The following EIF2AK4 variants were observed in gnomAD, a reference collection of about 807,000 sequenced individuals.
EIF2AK4 encodes eIF-2-alpha kinase GCN2.
In EIF2AK4, 139 loss-of-function variants were observed where a neutral mutation model predicts 211.1. The ratio of observed to expected loss-of-function variants is 0.66; its 90% confidence interval spans 0.57 to 0.76. The LOEUF is 0.76. EIF2AK4 is among the 30% of genes least tolerant of loss of function. The probability of loss-of-function intolerance (pLI) is 0.00; values close to 1 mark genes in which losing one functional copy is unlikely to be tolerated. For missense variants in EIF2AK4, 1,664 were observed against 2,043.8 expected, an observed-to-expected ratio of 0.81 and a Z score of 3.58; for synonymous variants, 710 against 751.3, an observed-to-expected ratio of 0.94 and a Z score of 0.90.
chr15:39,944,926 A>G (rs2034206640), intron 3 of EIF2AK4, among the ~76,000 whole-genome samples: 1 of 152,200 alleles, frequency 6.6e-6, no homozygotes, highest in Non-Finnish European at 1.5e-5. Flanking sequence ...AATTGTGTCC[A>G]TTTAAGTTGC....
At chr15:39,961,232 G>C (rs1427485357) in intron 6 of EIF2AK4, among the ~76,000 whole-genome samples, 1 of 152,222 alleles carries the variant, frequency 6.6e-6, no homozygotes, top group Non-Finnish European at 1.5e-5. Context: ...TCAATGGCTG[G>C]AGGCCCAGTT....
At chr15:40,032,698 A>G (rs1037094476) in intron 36 of EIF2AK4, 59 bp from the exon 37 acceptor site, 8 of 1,508,412 alleles carry the variant, frequency 5.3e-6, no homozygotes, top group Admixed American at 1.7e-5. Context: ...ACGTGACACT[A>G]TGGTCACAAG....
chr15:39,934,377 C>A, intron 1 of EIF2AK4, 38 bp downstream of exon 1: 1 of 1,574,696 alleles, frequency 6.4e-7, no homozygotes, highest in East Asian at 2.4e-5. Context: ...CTGGCGTGCC[C>A]TGGCCTCCCC....
At chr15:39,996,921 T>C in intron 18 of EIF2AK4, 43 bp from the exon 19 acceptor site, 3 of 1,368,672 alleles carry the variant, frequency 2.2e-6, no homozygotes, top group Non-Finnish European at 3.1e-6. Flanking sequence ...AAATTATACT[T>C]TCATATCAAG....
At chr15:39,961,124 G>A (rs1010276140) in intron 6 of EIF2AK4, among the ~76,000 whole-genome samples, 1 of 152,126 alleles carries the variant, frequency 6.6e-6, no homozygotes. Context: ...TAGAAAAAAA[G>A]AAAGAGAGGA....
At chr15:39,976,283 A>G in intron 11 of EIF2AK4, 131 bp from the exon 12 acceptor site, 1 of 921,772 alleles carries the variant, frequency 1.1e-6, no homozygotes, top group Non-Finnish European at 1.5e-6. Context: ...AATTTCAGGC[A>G]TGTGGTTCTT....
In EIF2AK4 at chr15:40,016,684, G is replaced by A; in HGVS notation, c.3930+12G>A. 1.9e-6 allele frequency: 3 copies of A among 1,613,522 alleles called. No individual in the cohort carries two copies. Among genetic ancestry groups the A allele is most frequent in the Non-Finnish European group, 2.5e-6 (3 of 1,179,744 alleles). On this transcript the variant is annotated intron_variant, in intron 28 of 38. Coordinates refer to ENST00000263791, the MANE Select transcript of EIF2AK4 (RefSeq NM_001013703.4). ...GCATCAAGTTACAGGTTTGGCAACA[G>A]TTTGATACTGGCAGTACAAATGTGT...
rs558057788 is a variant in EIF2AK4 at position 40,001,176 on chromosome 15, G to A, written c.3111G>A (p.Gln1037=). 2 of 1,613,994 alleles carry A rather than the reference G, an allele frequency of 1.2e-6. No individual in the cohort carries two copies. Among genetic ancestry groups the A allele is most frequent in the Admixed American group, 1.7e-5 (1 of 60,012 alleles). ...CCATGATGGCCCAGATCTTCTCGCA[G>A]CGCATCTCCCCTGCCATCGATTACA... is the stretch of plus-strand genomic sequence containing the variant. ...YRTMMAQIFS[Q]RISPAIDYTY... The change falls in exon 21 of 39, where the codon CAG becomes CAA. Residue 1037 remains glutamine (Q), a synonymous_variant. Transcript: ENST00000263791.
At chr15:39,968,013 C>A in intron 9 of EIF2AK4, 134 bp downstream of exon 9, 1 of 843,168 alleles carries the variant, frequency 1.2e-6, no homozygotes, top group Non-Finnish European at 1.8e-6. Flanking sequence ...TCTCCCAATC[C>A]TGTCCTAGTC....
chr15:39,962,013 A>G (rs2034479901), intron 7 of EIF2AK4, 114 bp downstream of exon 7: 2 of 708,282 alleles, frequency 2.8e-6, no homozygotes, highest in Non-Finnish European at 2.3e-6. Flanking sequence ...AAGGAAGACC[A>G]TCAAGCTGGT....
intron 23 of EIF2AK4, among the ~76,000 whole-genome samples, chr15:40,004,550 A>C (rs2035134423): frequency 6.6e-6 from 1 of 152,112 alleles, no homozygotes; most frequent in Non-Finnish European, 1.5e-5. Context: ...CTTTACAAAA[A>C]ATTTAAAAAT....
At chr15:40,005,610 C>A (rs1269329982) in intron 23 of EIF2AK4, among the ~76,000 whole-genome samples, 1 of 151,126 alleles carries the variant, frequency 6.6e-6, no homozygotes, top group East Asian at 2.0e-4. Flanking sequence ...CTCACTCTGT[C>A]TCTCAGGCTG....
chr15:39,954,259 G>T (rs1330300270), intron 5 of EIF2AK4, among the ~76,000 whole-genome samples: 1 of 152,100 alleles, frequency 6.6e-6, no homozygotes, highest in Non-Finnish European at 1.5e-5. Context: ...GACTAAAATT[G>T]TTCTTTTTTT....
intron 23 of EIF2AK4, among the ~76,000 whole-genome samples, chr15:40,004,414 G>A (rs993677937): frequency 1.3e-5 from 2 of 152,200 alleles, no homozygotes; most frequent in African/African-American, 2.4e-5. Context: ...ATATTAAGGA[G>A]CTATTGAAAA....
intron 21 of EIF2AK4, among the ~76,000 whole-genome samples, chr15:40,001,685 A>G (rs368984198): frequency 1.8e-4 from 27 of 150,852 alleles, no homozygotes; most frequent in Middle Eastern, 3.4e-3. Flanking sequence ...TCCCTAGCCC[A>G]AACGCCCAGA....
Position 40,019,166 on chromosome 15 carries a change from A to G in EIF2AK4, c.4139A>G (p.Lys1380Arg), listed in dbSNP as rs761387111. The change falls in exon 30 of 39, where the codon AAG becomes AGG. Residue 1380 changes from lysine (K) to arginine (R), a missense_variant. This residue lies in a region of EIF2AK4 where 622 missense variants were observed against 796.8 expected (regional missense o/e 0.78). Transcript: ENST00000263791. ...TAIGVSIAID[K>R]ISAAVLNMEE... ...ATTGGGGTCAGCATAGCTATAGACA[A>G]GATATCTGCTGCTGTCCTCAACATG... 5 of 1,603,024 alleles carry G rather than the reference A, an allele frequency of 3.1e-6. No individual in the cohort carries two copies. Among genetic ancestry groups the G allele is most frequent in the South Asian group, 1.1e-5 (1 of 88,710 alleles).
intron 7 of EIF2AK4, among the ~76,000 whole-genome samples, chr15:39,964,978 G>T (rs182174491): frequency 6.4e-3 from 970 of 152,232 alleles, no homozygotes; most frequent in Middle Eastern, 0.01. Flanking sequence ...TAATGATCTC[G>T]ATGGCTTGTT....
At chr15:39,976,993 C>G (rs1299308782) in intron 12 of EIF2AK4, 149 bp downstream of exon 12, 2 of 1,056,702 alleles carry the variant, frequency 1.9e-6, no homozygotes, top group Non-Finnish European at 2.5e-6. Flanking sequence ...CTCTGTCACC[C>G]AGGCTGGAGG....
intron 32 of EIF2AK4, among the ~76,000 whole-genome samples, chr15:40,025,212 C>T (rs2035450684): frequency 6.6e-6 from 1 of 152,196 alleles, no homozygotes; most frequent in African/African-American, 2.4e-5. Flanking sequence ...TTGGGTGAGA[C>T]AGATGGATCA....
Sources: gnomAD v4.1 joint callset for allele counts (sites outside exome capture counted in the v4.1 genomes callset) on GRCh38, gnomAD v4.1.1 for gene constraint, gnomAD v4.1.1 regional missense constraint, MANE v1.5 for transcripts, NCBI Gene and HGNC (gene_info 2026-07-23, HGNC 2026-07-21) for gene names.